Variants in SEPHS1 observed in about 807,000 individuals in gnomAD.
The protein encoded by SEPHS1 is zincore component SEPHS1.
In SEPHS1, 7 loss-of-function variants were observed where a neutral mutation model predicts 39.2. The ratio of observed to expected loss-of-function variants is 0.18; its 90% CI spans 0.10 to 0.34. The LOEUF (loss-of-function observed/expected upper bound fraction) is 0.34, where lower values mean the gene tolerates loss of function less well. Among genes scored for constraint, SEPHS1 ranks in the 10% least tolerant of loss-of-function variants. The pLI is 1.00. For missense variants in SEPHS1, 253 were observed against 514.5 expected (o/e 0.49, Z 4.92); for synonymous variants, 190 against 195.5 (o/e 0.97, Z 0.23).
chr10:13,332,844 A>G (rs541010962), intron 5 of SEPHS1, among the ~76,000 whole-genome samples: 1 of 150,468 alleles, frequency 6.6e-6, no homozygotes, highest in East Asian at 1.9e-4. Flanking sequence ...CTCCGTCTCA[A>G]AAAAAAAAAA....
intron 7 of SEPHS1, among the ~76,000 whole-genome samples, chr10:13,325,962 A>AATAAT (rs1554789111): frequency 1.5e-5 from 1 of 67,830 alleles, no homozygotes; most frequent in Non-Finnish European, 2.9e-5. Flanking sequence ...AAAAAAAAAA[A>AATAAT]AATAATAATA....
At chr10:13,331,639 T>G (rs1012096869) in intron 5 of SEPHS1, among the ~76,000 whole-genome samples, 4 of 152,212 alleles carry the variant, frequency 2.6e-5, no homozygotes, top group African/African-American at 9.7e-5. Flanking sequence ...CGTCTTGGCT[T>G]CCCAAAGTGC....
At chr10:13,329,545 A>G (rs1833407693) in intron 6 of SEPHS1, 153 bp downstream of exon 6, 2 of 574,506 alleles carry the variant, frequency 3.5e-6, no homozygotes, top group East Asian at 5.9e-5. Flanking sequence ...TTATTTAAAG[A>G]CTATGAACAA....
intron 8 of SEPHS1, among the ~76,000 whole-genome samples, chr10:13,320,825 T>A (rs1319742081): frequency 1.3e-5 from 2 of 152,030 alleles, no homozygotes; most frequent in Non-Finnish European, 2.9e-5. Context: ...GAAAACTCCA[T>A]CATAAAATTA....
intron 3 of SEPHS1, among the ~76,000 whole-genome samples, chr10:13,337,027 T>C (rs1296063028): frequency 6.6e-6 from 1 of 152,190 alleles, no homozygotes; most frequent in Non-Finnish European, 1.5e-5. Context: ...GGTGCACACC[T>C]GTAGTCTCAG....
intron 1 of SEPHS1, 135 bp from the exon 2 acceptor site, chr10:13,345,163 C>T (rs943850056): frequency 7.2e-6 from 3 of 416,670 alleles, no homozygotes; most frequent in Non-Finnish European, 1.3e-5. Context: ...ATATTCACCA[C>T]AGCAGTGCAT....
chr10:13,341,063 G>A (rs1446450174), intron 2 of SEPHS1, among the ~76,000 whole-genome samples: 4 of 151,976 alleles, frequency 2.6e-5, no homozygotes, highest in South Asian at 2.1e-4. Flanking sequence ...TTTTGTTATC[G>A]GGTTTTTAAA....
rs746989739 is a variant in SEPHS1, at chr10:13,318,312, T to G, written c.*830A>C. 6 of 152,620 alleles carry G rather than the reference T, an allele frequency of 3.9e-5. No individual in the cohort carries two copies. Among genetic ancestry groups the G allele is most frequent in the Non-Finnish European group, 8.8e-5 (6 of 68,042 alleles). 9.5% of individuals were successfully genotyped at this position (152,620 alleles called of 1,614,324 possible). On this transcript the variant is annotated 3_prime_UTR_variant, in exon 9 of 9. Transcript: ENST00000327347. ...AACACTACCATCCACAGAACAGTCT[T>G]TACTATTGATTATATTTAAAAATTA... is the stretch of plus-strand genomic sequence containing the variant.
At chr10:13,342,266 CAAA>C (rs139606622) in intron 2 of SEPHS1, among the ~76,000 whole-genome samples, 1 of 133,080 alleles carries the variant, frequency 7.5e-6, no homozygotes, top group African/African-American at 2.7e-5. Flanking sequence ...GACTCCGTCT[CAAA>C]AAAAAAAAAA....
At chr10:13,328,106 G>A (rs1051669485) in intron 7 of SEPHS1, among the ~76,000 whole-genome samples, 1 of 152,108 alleles carries the variant, frequency 6.6e-6, no homozygotes, top group African/African-American at 2.4e-5. Context: ...CCACACAAAC[G>A]CTTTCTAGAA....
chr10:13,333,797 T>A lies in SEPHS1; in HGVS notation c.560+20A>T. The A allele has an allele frequency of 1.2e-6, 2 of 1,611,512 alleles. No homozygotes were observed. The highest frequency in any genetic ancestry group is 3.4e-4 in the Middle Eastern group (2 of 5,870). On this transcript the variant is annotated intron_variant, in intron 5 of 8. Transcript: ENST00000327347. ...AGAGAGAAAAACAGGTCAGGTGATA[T>A]GAAACAAAAATCAACTTACATGATA... is the stretch of plus-strand genomic sequence containing the variant.
chr10:13,327,325 C>T (rs1320675889), intron 7 of SEPHS1, among the ~76,000 whole-genome samples: 2 of 148,858 alleles, frequency 1.3e-5, no homozygotes, highest in Non-Finnish European at 3.0e-5. Context: ...CAAAAGCAGG[C>T]ACTCCAAATA....
Position 13,338,825 on chromosome 10 carries a change from C to A in SEPHS1, c.194-17G>T, listed in dbSNP as rs746964746. On this transcript the variant is annotated splice_polypyrimidine_tract_variant and intron_variant, in intron 2 of 8. Coordinates refer to ENST00000327347, the MANE Select transcript of SEPHS1 (RefSeq NM_012247.5). ...TTCCAATGCCTGTGGAGATGGAAGTCATTAGCATCCAAAAATAAAACGGGA... is the reference window on the plus strand; with the variant it reads ...TTCCAATGCCTGTGGAGATGGAAGTAATTAGCATCCAAAAATAAAACGGGA... The A allele has an allele frequency of 1.3e-6, 2 of 1,561,294 alleles. No individual in the cohort carries two copies. Among genetic ancestry groups the A allele is most frequent in the South Asian group, 2.2e-5 (2 of 89,962 alleles).
At chr10:13,342,282 TA>T (rs1274830166) in intron 2 of SEPHS1, among the ~76,000 whole-genome samples, 2 of 113,608 alleles carry the variant, frequency 1.8e-5, no homozygotes, top group East Asian at 5.3e-4. Context: ...AAAAAAAAGT[TA>T]AAAAAATAAA....
intron 2 of SEPHS1, among the ~76,000 whole-genome samples, chr10:13,342,230 G>A (rs1478321017): frequency 6.7e-6 from 1 of 150,196 alleles, no homozygotes; most frequent in Non-Finnish European, 1.5e-5. Flanking sequence ...TCGCGCCACT[G>A]CACTCCAGCC....
intron 5 of SEPHS1, among the ~76,000 whole-genome samples, chr10:13,331,618 G>T (rs1385105001): frequency 7.2e-5 from 11 of 152,120 alleles, no homozygotes; most frequent in African/African-American, 2.4e-5. Context: ...CCTGACCTCA[G>T]ATGATCCACC....
intron 7 of SEPHS1, among the ~76,000 whole-genome samples, chr10:13,325,895 CAAAAAAAAAAAAAAAAAAAAAAAA>C (rs562038894): frequency 7.6e-4 from 20 of 26,448 alleles, no homozygotes; most frequent in African/African-American, 6.3e-4. Flanking sequence ...GACTCCGTCT[CAAAAAAAAAAAAAAAAAAAAAAAA>C]AAAAAAAAAA....
chr10:13,335,367 AT>A (rs1326115196), intron 4 of SEPHS1, among the ~76,000 whole-genome samples: 2 of 152,184 alleles, frequency 1.3e-5, no homozygotes, highest in African/African-American at 4.8e-5. Context: ...CCAAAACTTT[AT>A]TTTAAAAAAT....
chr10:13,321,845 G>T (rs555238913), intron 8 of SEPHS1, among the ~76,000 whole-genome samples: 1 of 152,110 alleles, frequency 6.6e-6, no homozygotes, highest in Non-Finnish European at 1.5e-5. Context: ...AGAGGAGGAC[G>T]TCCCACAAGT....
Sources: gnomAD v4.1 joint callset for allele counts (sites outside exome capture counted in the v4.1 genomes callset) on GRCh38, gnomAD v4.1.1 for gene constraint, MANE v1.5 for transcripts, NCBI Gene and HGNC (gene_info 2026-07-23, HGNC 2026-07-21) for gene names.